CRHR2: variants seen among roughly 807,000 people sequenced by gnomAD.
CRHR2 encodes corticotropin-releasing hormone receptor 2.
A neutral mutation model predicts 57.9 loss-of-function variants in CRHR2; 53 were observed. That is an observed-to-expected ratio of 0.92 (90% CI 0.73 to 1.15). The LOEUF (loss-of-function observed/expected upper bound fraction) is 1.15, where lower values mean the gene tolerates loss of function less well. CRHR2 is among the 50% of genes most tolerant of loss of function. CRHR2 has a pLI of 0.00. For missense variants in CRHR2, 532 were observed against 542.6 expected, an observed-to-expected ratio of 0.98 and a Z score of 0.19; for synonymous variants, 213 against 220.9, an observed-to-expected ratio of 0.96 and a Z score of 0.32.
chr7:30,697,359 G>A (rs1468541189), intron 1 of CRHR2, among the ~76,000 whole-genome samples: 1 of 152,224 alleles, frequency 6.6e-6, no homozygotes, highest in Non-Finnish European at 1.5e-5. Context: ...AGAGGCTCCT[G>A]TGATCTTCAC....
chr7:30,694,975 T>G (rs1358058637), intron 1 of CRHR2, among the ~76,000 whole-genome samples: 124 of 64,934 alleles, frequency 1.9e-3, no homozygotes, highest in East Asian at 2.1e-3. Context: ...GGAAGAGGAG[T>G]ATGGGGGAAG....
At chr7:30,666,374 G>A (rs1784184948) in intron 3 of CRHR2, among the ~76,000 whole-genome samples, 1 of 152,186 alleles carries the variant, frequency 6.6e-6, no homozygotes, top group Admixed American at 6.5e-5. Context: ...ATCACCAAGT[G>A]TTGGCAATTT....
chr7:30,653,725 T>C lies in CRHR2; in HGVS notation c.1096-125A>G. 1 of 1,202,090 alleles carries C rather than the reference T, an allele frequency of 8.3e-7. No individual in the cohort carries two copies. The highest frequency in any genetic ancestry group is 1.1e-6 in the Non-Finnish European group (1 of 886,860). The allele number at this position is 1,202,090 out of a possible 1,614,324, so 74.5% of individuals were successfully genotyped here. A position where few individuals can be genotyped will look rare whatever the true frequency, so the allele number is the denominator to read the frequency against. ...CCCTCATGACAAGGAACTGTCTGCT[T>C]CCAAAACAGGTCCTTCCCTGATGCT... On this transcript the variant is annotated intron_variant, in intron 11 of 11. Coordinates refer to ENST00000471646, the MANE Select transcript of CRHR2 (RefSeq NM_001883.5). The surrounding 1 kb of genome is among the most constrained non-coding windows in gnomAD (Gnocchi z 5.0).
At chr7:30,692,318 C>T (rs181029815) in intron 1 of CRHR2, among the ~76,000 whole-genome samples, 33 of 152,266 alleles carry the variant, frequency 2.2e-4, no homozygotes, top group South Asian at 1.5e-3. Flanking sequence ...AACCCTGTGC[C>T]CCCCTTCCCC....
In CRHR2 at chr7:30,669,821, C is replaced by T. The variant is rs376062769; in HGVS notation, c.230-2508G>A. 2.3e-4 allele frequency among the ~76,000 whole-genome samples: 35 copies of T among 152,320 alleles called. 1 individual carries two copies. The South Asian group carries it at 7.3e-3, about 32-fold the overall frequency. ...AGGTCCCAGCCTAACTGTCCTGACC[C>T]ATCTCCAGCATTCTACATGGCCACT... is the stretch of plus-strand genomic sequence containing the variant. On this transcript the variant is annotated intron_variant, in intron 2 of 11. Transcript: ENST00000471646.
At chr7:30,693,368 C>G (rs1266820583) in intron 1 of CRHR2, among the ~76,000 whole-genome samples, 1 of 152,084 alleles carries the variant, frequency 6.6e-6, no homozygotes, top group Admixed American at 6.5e-5. Context: ...GGTTAATATG[C>G]CTCTGTAATG....
chr7:30,689,205 A>G lies in CRHR2; in HGVS notation c.-181T>C, dbSNP rs1282051676. 27 of 1,550,070 alleles carry G rather than the reference A, an allele frequency of 1.7e-5. No individual in the cohort carries two copies. The Admixed American group carries it at 4.1e-4, about 24-fold the overall frequency. On this transcript the variant is annotated 5_prime_UTR_variant, in exon 2 of 14. Transcript: ENST00000341843. Reference sequence around the variant, plus strand: ...AGGGTACCTACCTGAGAGGTTGGTGAGGGTCATGATGGTGTGGCAGTACTG... The same window carrying G: ...AGGGTACCTACCTGAGAGGTTGGTGGGGGTCATGATGGTGTGGCAGTACTG...
rs942080647 is a variant in CRHR2, at chr7:30,653,284, C to T, written c.*176G>A. On this transcript the variant is annotated 3_prime_UTR_variant, in exon 12 of 12. Coordinates refer to ENST00000471646, the MANE Select transcript of CRHR2 (RefSeq NM_001883.5). This position sits in a 1 kb window ranked among gnomAD's most constrained non-coding sequence, Gnocchi z 5.0. ...CTTGCGCTGAGCCTGGTGGCCCCCA[C>T]TCATCCCTGTCCCTTGCAGTCCCCC... is the stretch of plus-strand genomic sequence containing the variant. The T allele has an allele frequency of 2.5e-5, 22 of 879,598 alleles. No homozygotes were observed. The highest frequency in any genetic ancestry group is 2.5e-4 in the South Asian group (14 of 56,824). The allele number at this position is 879,598 out of a possible 1,614,324, so 54.5% of individuals were successfully genotyped here.
chr7:30,657,898 A>G (rs1783848884), intron 8 of CRHR2, among the ~76,000 whole-genome samples: 1 of 152,070 alleles, frequency 6.6e-6, no homozygotes, highest in Non-Finnish European at 1.5e-5. Context: ...GTACCCATCC[A>G]TCTACCCATC....
At position 30,689,352 on chromosome 7, in the gene CRHR2, C is replaced by G; in HGVS notation, c.-260-68G>C. 3 of 1,268,566 alleles carry G rather than the reference C, an allele frequency of 2.4e-6. No homozygotes were observed. The South Asian group carries it at 3.8e-5, about 16-fold the overall frequency. 78.6% of individuals were successfully genotyped at this position (1,268,566 alleles called of 1,614,324 possible). On this transcript the variant is annotated intron_variant, in intron 1 of 13. Coordinates refer to the CRHR2 transcript ENST00000341843. The stretch of plus-strand genomic sequence containing the variant: ...TAGCCATTGACAGTGCCTGTCTGCC[C>G]CCATCCTATCCTATCACTCATCCCT...
chr7:30,695,411 C>G (rs1040589639), intron 1 of CRHR2, among the ~76,000 whole-genome samples: 1 of 152,098 alleles, frequency 6.6e-6, no homozygotes, highest in African/African-American at 2.4e-5. Context: ...CCAGCTCCCC[C>G]GGGAGGCTTT....
chr7:30,693,470 C>T (rs1050325855), intron 1 of CRHR2, among the ~76,000 whole-genome samples: 3 of 152,178 alleles, frequency 2.0e-5, no homozygotes, highest in Admixed American at 6.5e-5. Context: ...AGTGAGGGCA[C>T]GGTGCTCTGC....
exon 1 of CRHR2, chr7:30,699,980 G>A (rs1453518489): frequency 8.1e-6 from 12 of 1,483,584 alleles, no homozygotes; most frequent in Middle Eastern, 2.0e-4. Flanking sequence ...AGAGCAGGCA[G>A]AGGAGGAGGT....
At chr7:30,660,519 C>A in intron 8 of CRHR2, 54 bp downstream of exon 8, 1 of 1,527,020 alleles carries the variant, frequency 6.5e-7, no homozygotes, top group South Asian at 1.2e-5. Context: ...CTGGGTGGGC[C>A]CTCTTCTGTC....
At chr7:30,691,797 G>A (rs1468533697) in intron 1 of CRHR2, among the ~76,000 whole-genome samples, 4 of 152,188 alleles carry the variant, frequency 2.6e-5, no homozygotes, top group Admixed American at 2.6e-4. Flanking sequence ...GACTCAGTCC[G>A]AAGTCGTAAT....
Position 30,662,751 on chromosome 7 carries a change from C to T in CRHR2, c.640G>A (p.Val214Ile). Residue 214 changes from valine (V) to isoleucine (I), a missense_variant, in exon 6 of 12, where the codon GTC (valine) becomes ATC (isoleucine). Coordinates refer to ENST00000471646, the MANE Select transcript of CRHR2 (RefSeq NM_001883.5). ...VEGCYLHTAI[V>I]MTYSTERLRK... is the part of the protein sequence containing the mutation. ...AGGCGCTCAGTGGAGTAGGTCATGA[C>T]AATGGCCGTGTGCAGGTAGCAGCCT... 1 of 1,614,244 alleles carries T rather than the reference C, an allele frequency of 6.2e-7. No homozygotes were observed. The highest frequency in any genetic ancestry group is 8.5e-7 in the Non-Finnish European group (1 of 1,180,042).
At position 30,652,535 on chromosome 7, in the gene CRHR2, AC is replaced by A. The variant is rs1178768734; in HGVS notation, c.*924del. On this transcript the variant is annotated 3_prime_UTR_variant, in exon 12 of 12. Transcript: ENST00000471646. This position sits in a 1 kb window ranked among gnomAD's most constrained non-coding sequence, Gnocchi z 4.4. Reference sequence around the variant, plus strand: ...CAGACCCAGCCACGATCCTTGGCCCACACCACTCTTCGGGTGCCTGGGTGAC... The same window carrying A: ...CAGACCCAGCCACGATCCTTGGCCCAACCACTCTTCGGGTGCCTGGGTGAC... 7 of 152,224 alleles carry A rather than the reference AC, an allele frequency of 4.6e-5. No homozygotes were observed. The East Asian group carries it at 1.3e-3, about 29-fold the overall frequency. 9.4% of individuals were successfully genotyped at this position (152,224 alleles called of 1,614,324 possible).
At chr7:30,686,452 G>T, upstream of CRHR2, 1 of 1,531,866 alleles carries the variant, frequency 6.5e-7, no homozygotes, top group South Asian at 1.2e-5. Flanking sequence ...CTTCCCATTT[G>T]ACCAACCCTG....
rs774055102 is a variant in CRHR2, at chr7:30,665,114, A to G, written c.499T>C (p.Phe167Leu). 2 of 1,614,072 alleles carry G rather than the reference A, an allele frequency of 1.2e-6. No homozygotes were observed. The highest frequency in any genetic ancestry group is 1.7e-6 in the Non-Finnish European group (2 of 1,180,016). Reference sequence around the variant, plus strand: ...TCATGGTCAACGAGCTGCAGCAGGAACCACATGACATTTCGCAGGATAAAG... The same window carrying G: ...TCATGGTCAACGAGCTGCAGCAGGAGCCACATGACATTTCGCAGGATAAAG... Reference protein sequence around the residue: ...TTFILRNVMWFLLQLVDHEVH... With the variant: ...TTFILRNVMWLLLQLVDHEVH... The change falls in exon 5 of 12, where the codon TTC (phenylalanine) becomes CTC (leucine). Residue 167 changes from phenylalanine to leucine, a missense_variant. By Grantham distance (22) the Phe-to-Leu change is conservative. Transcript: ENST00000471646. The surrounding 1 kb of genome is among the most constrained non-coding windows in gnomAD (Gnocchi z 4.5).
Sources: allele counts gnomAD v4.1 joint callset (sites outside exome capture counted in the v4.1 genomes callset), GRCh38; gene constraint gnomAD v4.1.1; non-coding constraint Gnocchi (gnomAD v3.1); transcripts MANE v1.5; gene names NCBI Gene and HGNC (gene_info 2026-07-23, HGNC 2026-07-21).